MGAT5: variants seen among roughly 807,000 people sequenced by gnomAD.
The protein encoded by MGAT5 is alpha-1,6-mannosylglycoprotein 6-beta-N-acetylglucosaminyltransferase A.
In MGAT5, 30 loss-of-function variants were observed where a neutral mutation model predicts 94.3. The observed-to-expected ratio is 0.32, with a 90% confidence interval of 0.24 to 0.43. MGAT5 has a LOEUF of 0.43. Ranked by LOEUF, MGAT5 falls within the 20% of genes least tolerant of loss-of-function variation. The pLI is 1.00. For synonymous variants in MGAT5, 310 were observed against 322.9 expected, an observed-to-expected ratio of 0.96 and a Z score of 0.43; for missense variants, 691 against 905.5, an observed-to-expected ratio of 0.76 and a Z score of 3.04.
intron 9 of MGAT5, among the ~76,000 whole-genome samples, chr2:134,350,530 A>C (rs895886412): frequency 6.6e-6 from 1 of 152,168 alleles, no homozygotes; most frequent in African/African-American, 2.4e-5. Context: ...CGATATAGTA[A>C]GAACAGCACA....
intron 1 of MGAT5, among the ~76,000 whole-genome samples, chr2:134,178,934 ATCT>A (rs1688606309): frequency 6.6e-6 from 1 of 152,210 alleles, no homozygotes; most frequent in Non-Finnish European, 1.5e-5. Context: ...GGTATAGTCC[ATCT>A]TCATTATTCT....
chr2:134,339,417 C>A (rs1688507051), intron 6 of MGAT5, among the ~76,000 whole-genome samples: 1 of 152,114 alleles, frequency 6.6e-6, no homozygotes, highest in Non-Finnish European at 1.5e-5. Flanking sequence ...TATACAGATA[C>A]ATATATTTGC....
intron 10 of MGAT5, among the ~76,000 whole-genome samples, chr2:134,398,794 C>T (rs1316115673): frequency 6.6e-6 from 1 of 152,148 alleles, no homozygotes; most frequent in Non-Finnish European, 1.5e-5. Context: ...AGCTGGAGAT[C>T]ATTATGTTAA....
At chr2:134,225,520 C>G (rs1681015788) in intron 1 of MGAT5, among the ~76,000 whole-genome samples, 1 of 152,124 alleles carries the variant, frequency 6.6e-6, no homozygotes, top group African/African-American at 2.4e-5. Context: ...TTGATAAATT[C>G]TAATACAAAG....
chr2:134,382,808 C>A (rs574256572), intron 10 of MGAT5, among the ~76,000 whole-genome samples: 3 of 152,184 alleles, frequency 2.0e-5, no homozygotes, highest in Non-Finnish European at 4.4e-5. Context: ...CCAACAGATA[C>A]CATGAATTTC....
chr2:134,301,593 A>G (rs1686021956), intron 2 of MGAT5, among the ~76,000 whole-genome samples: 1 of 152,166 alleles, frequency 6.6e-6, no homozygotes, highest in Admixed American at 6.6e-5. Context: ...AGAACTGCCA[A>G]GAGAGGCGTG....
At chr2:134,162,273 A>G (rs10928481) in intron 1 of MGAT5, among the ~76,000 whole-genome samples, 26,394 of 152,024 alleles carry the variant, frequency 0.17, 2,436 homozygotes, top group South Asian at 0.23. Flanking sequence ...TCTTGTACTC[A>G]TGGTGTTAGG....
At chr2:134,290,101 A>G (rs564839972) in intron 2 of MGAT5, among the ~76,000 whole-genome samples, 3 of 152,196 alleles carry the variant, frequency 2.0e-5, no homozygotes, top group Non-Finnish European at 4.4e-5. Context: ...TTTCCAGGTC[A>G]TGCAGATTCA....
intron 1 of MGAT5, among the ~76,000 whole-genome samples, chr2:134,136,984 T>C (rs1198719174): frequency 6.6e-6 from 1 of 152,230 alleles, no homozygotes; most frequent in Non-Finnish European, 1.5e-5. Context: ...AGGCCATATC[T>C]GTCACTACAA....
chr2:134,200,496 G>A (rs912515883), intron 1 of MGAT5, among the ~76,000 whole-genome samples: 31 of 152,292 alleles, frequency 2.0e-4, no homozygotes, highest in Non-Finnish European at 4.1e-4. Context: ...TCTCTGTTGA[G>A]CCTCTTTGTC....
intron 1 of MGAT5, among the ~76,000 whole-genome samples, chr2:134,237,845 G>A (rs1265555424): frequency 6.6e-6 from 1 of 151,088 alleles, no homozygotes; most frequent in East Asian, 1.9e-4. Flanking sequence ...CTGCCTCCTG[G>A]GTTCAAGCAA....
At chr2:134,337,016 A>G (rs1178639750) in intron 5 of MGAT5, among the ~76,000 whole-genome samples, 1 of 152,186 alleles carries the variant, frequency 6.6e-6, no homozygotes, top group Non-Finnish European at 1.5e-5. Flanking sequence ...CAGTTCTGCC[A>G]TTGTAGCGCA....
At chr2:134,243,066 A>C (rs1682055423) in intron 1 of MGAT5, among the ~76,000 whole-genome samples, 1 of 151,810 alleles carries the variant, frequency 6.6e-6, no homozygotes, top group Non-Finnish European at 1.5e-5. Context: ...CTTACCTCTT[A>C]AAATTCTAGA....
intron 12 of MGAT5, among the ~76,000 whole-genome samples, chr2:134,416,508 A>C (rs1255131572): frequency 7.0e-6 from 1 of 142,112 alleles, no homozygotes; most frequent in Non-Finnish European, 1.5e-5. Flanking sequence ...TTGCTCTGCC[A>C]CCCAGGCTGG....
intron 1 of MGAT5, among the ~76,000 whole-genome samples, chr2:134,135,690 C>CAAAAAAAA (rs59026836): frequency 9.6e-5 from 4 of 41,702 alleles, no homozygotes; most frequent in Non-Finnish European, 1.3e-4. Flanking sequence ...GACTCCATCT[C>CAAAAAAAA]AAAAAAAAAA....
intron 2 of MGAT5, among the ~76,000 whole-genome samples, chr2:134,272,661 A>C (rs1684102174): frequency 6.6e-6 from 1 of 152,186 alleles, no homozygotes; most frequent in Non-Finnish European, 1.5e-5. Flanking sequence ...TCCAATGTAC[A>C]TGATTTTACT....
intron 2 of MGAT5, among the ~76,000 whole-genome samples, chr2:134,313,012 C>T (rs1686774324): frequency 6.6e-6 from 1 of 150,810 alleles, no homozygotes; most frequent in Non-Finnish European, 1.5e-5. Context: ...CTTCCTTGCT[C>T]TGAGGCCACA....
intron 1 of MGAT5, among the ~76,000 whole-genome samples, chr2:134,192,200 T>A (rs1229720302): frequency 1.4e-5 from 2 of 142,274 alleles, no homozygotes; most frequent in African/African-American, 2.6e-5. Flanking sequence ...CCTTTTTTCT[T>A]CTGCTTGCGC....
intron 2 of MGAT5, among the ~76,000 whole-genome samples, chr2:134,294,981 T>G (rs1256991538): frequency 6.6e-6 from 1 of 152,212 alleles, no homozygotes; most frequent in African/African-American, 2.4e-5. Flanking sequence ...CGCGTCAACT[T>G]ATAAATGACC....
Sources: allele counts gnomAD v4.1 joint callset (sites outside exome capture counted in the v4.1 genomes callset), GRCh38; gene constraint gnomAD v4.1.1; transcripts MANE v1.5; gene names NCBI Gene and HGNC (gene_info 2026-07-23, HGNC 2026-07-21).